LRP1B: variants seen among roughly 807,000 people sequenced by gnomAD.
LRP1B encodes the protein LDL receptor related protein 1B.
In LRP1B, 217 loss-of-function variants were observed where a neutral mutation model predicts 556.6. That is an observed-to-expected ratio of 0.39 (90% CI 0.35 to 0.44). LRP1B has a LOEUF of 0.44. Ranked by LOEUF, LRP1B falls within the 20% of genes least tolerant of loss-of-function variation. The pLI, the probability that LRP1B is intolerant of heterozygous loss-of-function variation, is 1.00. For synonymous variants in LRP1B, 2,047 were observed against 1,865.8 expected (o/e 1.10, Z -2.50); for missense variants, 5,053 against 5,620.8 (o/e 0.90, Z 3.23).
intron 43 of LRP1B, among the ~76,000 whole-genome samples, chr2:140,574,154 A>G (rs7571102): frequency 0.37 from 55,816 of 151,994 alleles, 11,256 homozygotes; most frequent in South Asian, 0.49. Flanking sequence ...AAAATCAAGA[A>G]CATTCAAGTA....
chr2:141,862,212 A>T (rs1255654266), intron 1 of LRP1B, among the ~76,000 whole-genome samples: 1 of 152,168 alleles, frequency 6.6e-6, no homozygotes, highest in Non-Finnish European at 1.5e-5. Flanking sequence ...AATTCACTTT[A>T]CTTTGTAAGC....
chr2:140,867,571 T>C lies in LRP1B; in HGVS notation c.4579+19A>G, dbSNP rs1692988705. On this transcript the variant is annotated intron_variant, in intron 27 of 90. Transcript: ENST00000389484. ...TAATACTTTCTGGGTGGTTAATCCA[T>C]AAGTGAACAAGCACTTACCCTGTGG... is the stretch of plus-strand genomic sequence containing the variant. The C allele has an allele frequency of 1.2e-6, 2 of 1,603,594 alleles. No individual in the cohort carries two copies.
intron 2 of LRP1B, among the ~76,000 whole-genome samples, chr2:141,486,516 T>C (rs1014366411): frequency 1.3e-5 from 2 of 152,154 alleles, no homozygotes; most frequent in African/African-American, 2.4e-5. Context: ...TCTACTCTAA[T>C]GGCAGACACA....
In LRP1B at chr2:141,049,068, G is replaced by A. The variant is rs1357326649; in HGVS notation, c.1707C>T (p.Tyr569=). The change falls in exon 11 of 91, where the codon TAC becomes TAT. Residue 569 remains tyrosine (Y), a synonymous_variant. Coordinates refer to ENST00000389484, the MANE Select transcript of LRP1B (RefSeq NM_018557.3). ...AACTGGTGGTGTCAGCAAAGTAGATGTAATTGGTTTCTGCGTGAAAGTCTA... is the reference window on the plus strand; with the variant it reads ...AACTGGTGGTGTCAGCAAAGTAGATATAATTGGTTTCTGCGTGAAAGTCTA... ...RALDFHAETN[Y]IYFADTTSFL... The A allele has an allele frequency of 2.5e-6, 4 of 1,613,516 alleles. No homozygotes were observed. The African/African-American group carries it at 4.0e-5, about 16-fold the overall frequency.
At chr2:140,955,756 A>G (rs1345543822) in intron 18 of LRP1B, among the ~76,000 whole-genome samples, 1 of 151,634 alleles carries the variant, frequency 6.6e-6, no homozygotes, top group Non-Finnish European at 1.5e-5. Flanking sequence ...CGTGATTGGT[A>G]TGGTACTTAT....
At chr2:141,230,828 AT>A (rs1258009048) in intron 5 of LRP1B, among the ~76,000 whole-genome samples, 1 of 152,166 alleles carries the variant, frequency 6.6e-6, no homozygotes, top group East Asian at 1.9e-4. Context: ...CTAGCACTTT[AT>A]CGTCTAAAAA....
At chr2:140,999,963 G>C (rs1697366188) in intron 15 of LRP1B, among the ~76,000 whole-genome samples, 1 of 151,966 alleles carries the variant, frequency 6.6e-6, no homozygotes, top group African/African-American at 2.4e-5. Context: ...CTAGGCTGGA[G>C]AGCAGTGGCA....
intron 83 of LRP1B, among the ~76,000 whole-genome samples, chr2:140,313,478 A>G (rs1558793006): frequency 6.6e-6 from 1 of 151,926 alleles, no homozygotes; most frequent in Non-Finnish European, 1.5e-5. Flanking sequence ...CCTGAGATGC[A>G]TTGCAGGTTC....
At chr2:141,623,396 C>T (rs1296837279) in intron 2 of LRP1B, among the ~76,000 whole-genome samples, 1 of 152,138 alleles carries the variant, frequency 6.6e-6, no homozygotes, top group Non-Finnish European at 1.5e-5. Flanking sequence ...TCCTTTCTTA[C>T]TATTTTGACC....
chr2:140,610,096 C>T (rs149740545), intron 41 of LRP1B, among the ~76,000 whole-genome samples: 2 of 151,874 alleles, frequency 1.3e-5, no homozygotes, highest in East Asian at 3.9e-4. Context: ...TTTTCTTCCC[C>T]GGGTCTGACG....
intron 32 of LRP1B, among the ~76,000 whole-genome samples, chr2:140,782,388 T>A (rs1689730384): frequency 1.3e-5 from 2 of 152,158 alleles, no homozygotes; most frequent in South Asian, 4.1e-4. Context: ...ACTGGTTTTC[T>A]TATAGGAAGA....
At chr2:141,980,300 C>T (rs534355600) in intron 1 of LRP1B, among the ~76,000 whole-genome samples, 2 of 152,136 alleles carry the variant, frequency 1.3e-5, no homozygotes, top group African/African-American at 4.8e-5. Context: ...GATAGAGGGC[C>T]ACCAACCTTA....
intron 47 of LRP1B, among the ~76,000 whole-genome samples, chr2:140,526,952 C>A (rs1690464945): frequency 6.6e-6 from 1 of 151,762 alleles, no homozygotes; most frequent in African/African-American, 2.4e-5. Flanking sequence ...ACTAGAAAGT[C>A]ATCTATGCTA....
chr2:140,742,431 C>G (rs924915908), intron 35 of LRP1B, among the ~76,000 whole-genome samples: 15 of 152,018 alleles, frequency 9.9e-5, no homozygotes, highest in African/African-American at 3.6e-4. Context: ...ATAAATCATT[C>G]TGTAATAAAT....
chr2:141,232,255 C>T (rs1683498811), intron 5 of LRP1B, among the ~76,000 whole-genome samples: 1 of 152,146 alleles, frequency 6.6e-6, no homozygotes, highest in African/African-American at 2.4e-5. Context: ...ATAGATTTCT[C>T]AGGTGATAGT....
intron 58 of LRP1B, 42 bp from the exon 59 acceptor site, chr2:140,485,566 A>C (rs759294891): frequency 1.4e-6 from 2 of 1,473,114 alleles, no homozygotes; most frequent in Non-Finnish European, 1.9e-6. Context: ...GTAAATCCCT[A>C]AAATAAGAAG....
chr2:140,346,923 T>G (rs1681717448), intron 77 of LRP1B, among the ~76,000 whole-genome samples: 1 of 151,996 alleles, frequency 6.6e-6, no homozygotes, highest in Non-Finnish European at 1.5e-5. Context: ...CTGAACATTC[T>G]ATTTACAAAA....
At position 140,798,534 on chromosome 2, in the gene LRP1B, C is replaced by T. The variant is rs180699106; in HGVS notation, c.5359+15123G>A. 7.2e-5 allele frequency among the ~76,000 whole-genome samples: 11 copies of T among 152,196 alleles called. No individual in the cohort carries two copies. In the East Asian group the frequency reaches 2.1e-3, roughly 29 times the overall value. ...GGCCCAGAGTCACAGTTTCAGGCCT[C>T]ATAGAGGCAATTGGCTATGAAGGTT... is the stretch of plus-strand genomic sequence containing the variant. On this transcript the variant is annotated intron_variant, in intron 32 of 90. Coordinates refer to ENST00000389484, the MANE Select transcript of LRP1B (RefSeq NM_018557.3).
At chr2:141,564,503 T>C (rs559423895) in intron 2 of LRP1B, among the ~76,000 whole-genome samples, 65 of 152,064 alleles carry the variant, frequency 4.3e-4, no homozygotes, top group Non-Finnish European at 8.5e-4. Flanking sequence ...ATAAGGAGAG[T>C]AGAAATTATT....
Sources: allele counts gnomAD v4.1 joint callset (sites outside exome capture counted in the v4.1 genomes callset), GRCh38; gene constraint gnomAD v4.1.1; transcripts MANE v1.5; gene names NCBI Gene and HGNC (gene_info 2026-07-23, HGNC 2026-07-21).